Variants in RICTOR observed in about 807,000 individuals in gnomAD.
RICTOR encodes RPTOR independent companion of MTOR complex 2, also known as rapamycin-insensitive companion of mTOR.
RICTOR carries 49 observed loss-of-function variants against 214.9 expected under a neutral mutation model. That is an observed-to-expected ratio of 0.23 (90% CI 0.18 to 0.29). The LOEUF (loss-of-function observed/expected upper bound fraction) is 0.29. Ranked by LOEUF, RICTOR falls within the 10% of genes least tolerant of loss-of-function variation. RICTOR has a pLI of 1.00. For missense variants in RICTOR, 1,625 were observed against 2,047.0 expected (o/e 0.79, Z 3.98); for synonymous variants, 717 against 711.3 (o/e 1.01, Z -0.13).
Position 39,005,614 on chromosome 5 carries a change from G to C in RICTOR, c.196-1992C>G, listed in dbSNP as rs916070528. 2.0e-5 allele frequency among the ~76,000 whole-genome samples: 3 copies of C among 152,292 alleles called. No individual in the cohort carries two copies. In the South Asian group the frequency reaches 6.2e-4, roughly 32 times the overall value. ...TAGGTTTCATCTAATAAACCTGAAT[G>C]ATGTGGATCATCTCTGGATCTGTTA... On this transcript the variant is annotated intron_variant, in intron 3 of 37. Coordinates refer to ENST00000357387, the MANE Select transcript of RICTOR (RefSeq NM_152756.5).
chr5:38,988,632 C>A (rs1752350986), intron 7 of RICTOR, among the ~76,000 whole-genome samples: 1 of 152,050 alleles, frequency 6.6e-6, no homozygotes, highest in South Asian at 2.1e-4. Context: ...CGTCTCAGTG[C>A]AAAATCTCCT....
intron 2 of RICTOR, among the ~76,000 whole-genome samples, chr5:39,065,612 G>T (rs1396379772): frequency 6.6e-6 from 1 of 152,160 alleles, no homozygotes; most frequent in African/African-American, 2.4e-5. Flanking sequence ...AGGCTGTAAA[G>T]TCACAAATAA....
In RICTOR at chr5:38,941,426, T is replaced by C; in HGVS notation, c.*878A>G. The stretch of plus-strand genomic sequence containing the variant: ...AGATCCAAAGTATTATTTAATGCTT[T>C]CCTATCCTTTAGGTCTAAACTAACA... On this transcript the variant is annotated 3_prime_UTR_variant, in exon 38 of 38. Transcript: ENST00000357387. 4.3e-6 allele frequency: 1 copy of C among 232,086 alleles called. No homozygotes were observed. The highest frequency in any genetic ancestry group is 8.5e-6 in the Non-Finnish European group (1 of 117,090). 14.4% of individuals were successfully genotyped at this position (232,086 alleles called of 1,614,324 possible). A position where few individuals can be genotyped will look rare whatever the true frequency, so the allele number is the denominator to read the frequency against.
At chr5:38,944,158 G>A in intron 36 of RICTOR, 1 of 487,380 alleles carries the variant, frequency 2.1e-6, no homozygotes, top group Non-Finnish European at 3.9e-6. Context: ...TTTTCCAAAA[G>A]TAAAAAAGTG....
intron 3 of RICTOR, among the ~76,000 whole-genome samples, chr5:39,009,278 G>A (rs1754308018): frequency 1.3e-5 from 2 of 152,136 alleles, no homozygotes; most frequent in Middle Eastern, 3.4e-3. Context: ...CTTCTCAGAC[G>A]AGAAAAATAT....
chr5:39,073,237 C>T (rs75172497), intron 2 of RICTOR, among the ~76,000 whole-genome samples: 6,886 of 152,180 alleles, frequency 0.045, 288 homozygotes, highest in African/African-American at 0.1. Context: ...ATGACTTCGT[C>T]GGAATCAGTA....
intron 31 of RICTOR, 123 bp from the exon 32 acceptor site, chr5:38,947,564 T>C: frequency 1.5e-6 from 1 of 677,260 alleles, no homozygotes; most frequent in Non-Finnish European, 2.5e-6. Flanking sequence ...TTAAGCAGTG[T>C]CATCTTGTTT....
intron 2 of RICTOR, among the ~76,000 whole-genome samples, chr5:39,071,622 G>A (rs181389186): frequency 7.8e-4 from 118 of 152,228 alleles, no homozygotes; most frequent in Non-Finnish European, 1.5e-3. Flanking sequence ...CAAATAACTT[G>A]CCCCAAATCA....
At chr5:38,969,666 A>AT (rs145128587) in intron 11 of RICTOR, 29,357 of 125,890 alleles carry the variant, frequency 0.23, 4,030 homozygotes, top group East Asian at 0.31. Flanking sequence ...TGTATTTTTA[A>AT]TTTTTTTTTT....
Position 38,944,937 on chromosome 5 carries a change from T to C in RICTOR, c.4765A>G (p.Thr1589Ala). ...GVSQEGSASS[T>A]KSTELLLGVK... is the part of the protein sequence containing the mutation. ...CCTAGTAACAATTCTGTGCTTTTGGTGCTGCTAGCTGAGCCTTCTTGAGAC... is the reference window on the plus strand; with the variant it reads ...CCTAGTAACAATTCTGTGCTTTTGGCGCTGCTAGCTGAGCCTTCTTGAGAC... The change falls in exon 35 of 38, where the codon ACC becomes GCC. Residue 1589 changes from threonine (T) to alanine (A), a missense_variant. Transcript: ENST00000357387. 6.2e-7 allele frequency: 1 copy of C among 1,614,076 alleles called. No individual in the cohort carries two copies.
chr5:39,032,502 A>G (rs1178732037), intron 2 of RICTOR, among the ~76,000 whole-genome samples: 1 of 152,222 alleles, frequency 6.6e-6, no homozygotes, highest in Non-Finnish European at 1.5e-5. Flanking sequence ...ACACAACAGG[A>G]GCCTGGAAGT....
At chr5:39,052,628 T>C (rs1757930093) in intron 2 of RICTOR, among the ~76,000 whole-genome samples, 1 of 152,218 alleles carries the variant, frequency 6.6e-6, no homozygotes, top group Non-Finnish European at 1.5e-5. Context: ...TTATATTTTA[T>C]GTATGTAAAC....
At chr5:39,014,568 G>T (rs1319847367) in intron 3 of RICTOR, among the ~76,000 whole-genome samples, 1 of 151,998 alleles carries the variant, frequency 6.6e-6, no homozygotes, top group Non-Finnish European at 1.5e-5. Flanking sequence ...ATAAATATAT[G>T]AGATTAAATA....
chr5:39,006,321 C>T (rs1754048710), intron 3 of RICTOR, among the ~76,000 whole-genome samples: 1 of 152,102 alleles, frequency 6.6e-6, no homozygotes, highest in Non-Finnish European at 1.5e-5. Context: ...ATGGATCCCA[C>T]CTGGATGAAT....
rs1753906541 is a variant in RICTOR at position 39,004,775 on chromosome 5, T to TC, written c.196-1154dup. Among the ~76,000 whole-genome samples, 7 of 136,322 alleles carry TC rather than the reference T, an allele frequency of 5.1e-5. No individual in the cohort carries two copies. The South Asian group carries it at 1.7e-3, about 34-fold the overall frequency. 89.4% of individuals were successfully genotyped at this position (136,322 alleles called of 152,430 possible). A position where few individuals can be genotyped will look rare whatever the true frequency, so the allele number is the denominator to read the frequency against. On this transcript the variant is annotated intron_variant, in intron 3 of 37. Coordinates refer to ENST00000357387, the MANE Select transcript of RICTOR (RefSeq NM_152756.5). ...AGCCACCGCACTGGGCCTCTCAGAC[T>TC]CTTTTTTTTTTTTTTTTTTTTTTGA...
intron 2 of RICTOR, among the ~76,000 whole-genome samples, chr5:39,036,919 G>A (rs1307069728): frequency 6.6e-6 from 1 of 152,094 alleles, no homozygotes; most frequent in Non-Finnish European, 1.5e-5. Flanking sequence ...GAGACAGAAA[G>A]TTAACAAGGA....
intron 15 of RICTOR, 24 bp downstream of exon 15, chr5:38,966,617 A>G (rs753932490): frequency 7.2e-6 from 8 of 1,115,614 alleles, no homozygotes; most frequent in Non-Finnish European, 1.1e-5. Flanking sequence ...TATGAAACAT[A>G]TAATCAGAAG....
chr5:39,048,165 G>A (rs76268615), intron 2 of RICTOR, among the ~76,000 whole-genome samples: 1 of 152,162 alleles, frequency 6.6e-6, no homozygotes, highest in Non-Finnish European at 1.5e-5. Context: ...CATGTCATAA[G>A]TGCAAAATCT....
intron 2 of RICTOR, among the ~76,000 whole-genome samples, chr5:39,038,934 A>G (rs1343748800): frequency 6.6e-6 from 1 of 152,132 alleles, no homozygotes; most frequent in African/African-American, 2.4e-5. Flanking sequence ...TCAAGCTACC[A>G]ATGACTTTCT....
Sources: allele counts gnomAD v4.1 joint callset (sites outside exome capture counted in the v4.1 genomes callset), GRCh38; gene constraint gnomAD v4.1.1; transcripts MANE v1.5; gene names NCBI Gene and HGNC (gene_info 2026-07-23, HGNC 2026-07-21).